The following RNU4-1 variants were observed in gnomAD, a reference collection of about 807,000 sequenced individuals.
RNU4-1 encodes the protein RNA, U4 small nuclear 1, also known as RNA, U4A small nuclear.
chr12:120,293,138 T>TA (rs1872125830), exon 1 of RNU4-1: 6 of 152,184 alleles, frequency 3.9e-5, no homozygotes, highest in Non-Finnish European at 7.3e-5. Flanking sequence ...CCGACTATAT[T>TA]GCAAGTCGTC....
chr12:120,293,187 T>A (rs189455446), exon 1 of RNU4-1: 1 of 152,160 alleles, frequency 6.6e-6, no homozygotes, highest in East Asian at 1.9e-4. Flanking sequence ...TTAGCAATAA[T>A]CGCGCCTCGG....
At chr12:120,293,219 A>C (rs1013360495) in exon 1 of RNU4-1, 6 of 152,210 alleles carry the variant, frequency 3.9e-5, no homozygotes, top group African/African-American at 1.2e-4. Flanking sequence ...TGGCTACGAT[A>C]CTGCCACTGC....
At chr12:120,293,102 G>C (rs376527609) in exon 1 of RNU4-1, 13 of 152,076 alleles carry the variant, frequency 8.5e-5, no homozygotes, top group African/African-American at 1.9e-4. Flanking sequence ...TTCAGTCTCC[G>C]TAGAGACTGT....
chr12:120,293,114 A>T (rs895425795), exon 1 of RNU4-1: 1 of 152,166 alleles, frequency 6.6e-6, no homozygotes, highest in Non-Finnish European at 1.5e-5. Flanking sequence ...AGAGACTGTC[A>T]AAAATTGCCA....
exon 1 of RNU4-1, chr12:120,293,218 T>G (rs529241671): frequency 6.6e-6 from 1 of 152,220 alleles, no homozygotes; most frequent in African/African-American, 2.4e-5. Context: ...TTGGCTACGA[T>G]ACTGCCACTG....
At chr12:120,293,115 A>C (rs959443655) in exon 1 of RNU4-1, 2 of 152,158 alleles carry the variant, frequency 1.3e-5, no homozygotes, top group Non-Finnish European at 2.9e-5. Context: ...GAGACTGTCA[A>C]AAATTGCCAG....
At chr12:120,293,186 A>T (rs1052561141) in exon 1 of RNU4-1, 1 of 152,198 alleles carries the variant, frequency 6.6e-6, no homozygotes, top group African/African-American at 2.4e-5. Flanking sequence ...ATTAGCAATA[A>T]TCGCGCCTCG....
exon 1 of RNU4-1, chr12:120,293,120 T>C (rs906870194): frequency 1.8e-4 from 28 of 152,222 alleles, no homozygotes; most frequent in East Asian, 9.7e-4. Flanking sequence ...TGTCAAAAAT[T>C]GCCAGTGCCG....
chr12:120,293,163 G>A (rs985298603), exon 1 of RNU4-1: 1 of 152,256 alleles, frequency 6.6e-6, no homozygotes, highest in African/African-American at 2.4e-5. Context: ...CGGGGTATTG[G>A]GAAAAGTTTT....
exon 1 of RNU4-1, chr12:120,293,195 C>T (rs185525528): frequency 1.8e-4 from 27 of 152,266 alleles, no homozygotes; most frequent in African/African-American, 5.3e-4. Context: ...AATCGCGCCT[C>T]GGATAGACCT....
At chr12:120,293,232 A>G (rs867265125) in exon 1 of RNU4-1, 3 of 152,196 alleles carry the variant, frequency 2.0e-5, no homozygotes, top group African/African-American at 4.8e-5. Context: ...GCCACTGCGC[A>G]AAGCTAATTT....
chr12:120,293,230 G>C (rs553757910), exon 1 of RNU4-1: 1 of 152,164 alleles, frequency 6.6e-6, no homozygotes, highest in Non-Finnish European at 1.5e-5. Context: ...CTGCCACTGC[G>C]CAAAGCTAAT....
exon 1 of RNU4-1, chr12:120,293,213 T>TA (rs1360965067): frequency 2.0e-5 from 3 of 152,230 alleles, no homozygotes; most frequent in African/African-American, 7.2e-5. Flanking sequence ...CCTCATTGGC[T>TA]ACGATACTGC....
In RNU4-1 at chr12:120,293,225, A is replaced by T. The variant is rs151185189; in HGVS notation, n.13T>A. ...AGACCTCATTGGCTACGATACTGCC[A>T]CTGCGCAAAGCTAATTTGTTACGCC... On this transcript the variant is annotated non_coding_transcript_exon_variant, in exon 1 of 1. Coordinates refer to ENST00000363925, the Ensembl canonical transcript of RNU4-1. 1.4e-4 allele frequency: 22 copies of T among 152,332 alleles called. No homozygotes were observed. In the East Asian group the frequency reaches 3.9e-3, roughly 27 times the overall value. 9.4% of individuals were successfully genotyped at this position (152,332 alleles called of 1,614,324 possible).
exon 1 of RNU4-1, chr12:120,293,139 GC>G (rs1796464643): frequency 6.6e-6 from 1 of 152,114 alleles, no homozygotes; most frequent in Non-Finnish European, 1.5e-5. Context: ...CGACTATATT[GC>G]AAGTCGTCAC....
exon 1 of RNU4-1, chr12:120,293,167 A>T (rs1872132505): frequency 6.6e-6 from 1 of 152,202 alleles, no homozygotes; most frequent in Non-Finnish European, 1.5e-5. Flanking sequence ...GTATTGGGAA[A>T]AGTTTTCAAT....
At chr12:120,293,139 G>C (rs568071253) in exon 1 of RNU4-1, 1 of 152,114 alleles carries the variant, frequency 6.6e-6, no homozygotes, top group African/African-American at 2.4e-5. Context: ...CGACTATATT[G>C]CAAGTCGTCA....
exon 1 of RNU4-1, chr12:120,293,195 C>A (rs185525528): frequency 6.6e-6 from 1 of 152,148 alleles, no homozygotes; most frequent in Non-Finnish European, 1.5e-5. Context: ...AATCGCGCCT[C>A]GGATAGACCT....
chr12:120,293,217 A>C (rs560460935), exon 1 of RNU4-1: 2 of 152,176 alleles, frequency 1.3e-5, no homozygotes, highest in Non-Finnish European at 1.5e-5. Context: ...ATTGGCTACG[A>C]TACTGCCACT....
Sources: gnomAD v4.1 joint callset for allele counts on GRCh38, gnomAD v4.1.1 for gene constraint, MANE v1.5 for transcripts, NCBI Gene and HGNC (gene_info 2026-07-23, HGNC 2026-07-21) for gene names.